MTBP: variants seen among roughly 807,000 people sequenced by gnomAD.
MTBP encodes MDM2 binding protein.
A neutral mutation model predicts 117.0 loss-of-function variants in MTBP; 101 were observed. That is an observed-to-expected ratio of 0.86 (90% CI 0.73 to 1.02). The LOEUF is 1.02. Ranked by LOEUF, MTBP falls within the 50% of genes least tolerant of loss-of-function variation. MTBP has a pLI of 0.00. For synonymous variants in MTBP, 350 were observed against 351.5 expected (o/e 1.00, Z 0.05); for missense variants, 970 against 1,030.9 (o/e 0.94, Z 0.81).
intron 2 of MTBP, among the ~76,000 whole-genome samples, chr8:120,448,195 G>C (rs1429871267): frequency 6.6e-6 from 1 of 152,182 alleles, no homozygotes; most frequent in Non-Finnish European, 1.5e-5. Flanking sequence ...GCCTCCCAAA[G>C]TGCCGGGATT....
chr8:120,461,487 T>C (rs1813582852), intron 9 of MTBP, among the ~76,000 whole-genome samples: 1 of 152,290 alleles, frequency 6.6e-6, no homozygotes, highest in East Asian at 1.9e-4. Context: ...GAAATCTTCC[T>C]CCCTATGCAA....
At chr8:120,522,834 G>A in intron 21 of MTBP, 115 bp downstream of exon 21, 1 of 731,994 alleles carries the variant, frequency 1.4e-6, no homozygotes, top group Non-Finnish European at 2.2e-6. Flanking sequence ...TTTCAACTCT[G>A]TCCCTATGAA....
At chr8:120,448,517 A>G (rs1215004858) in intron 2 of MTBP, among the ~76,000 whole-genome samples, 1 of 152,236 alleles carries the variant, frequency 6.6e-6, no homozygotes, top group South Asian at 2.1e-4. Context: ...AGGCAACACA[A>G]TTACATCCTT....
chr8:120,495,506 T>A lies in MTBP; in HGVS notation c.1448-1887T>A, dbSNP rs577291493. Among the ~76,000 whole-genome samples the A allele has an allele frequency of 3.1e-3, 464 of 151,730 alleles. 3 individuals carry two copies. The highest frequency in any genetic ancestry group is 0.011 in the African/African-American group (441 of 41,370). On this transcript the variant is annotated intron_variant, in intron 13 of 21. Coordinates refer to ENST00000305949, the MANE Select transcript of MTBP (RefSeq NM_022045.5). ...GGAGAGTCATATCTTGAAATCTGAATTTTTTTTTATCTTTTTAATAATTTT... is the reference window on the plus strand; with the variant it reads ...GGAGAGTCATATCTTGAAATCTGAAATTTTTTTTATCTTTTTAATAATTTT...
Position 120,489,138 on chromosome 8 carries a change from G to A in MTBP, c.1339+806G>A, listed in dbSNP as rs766827534. Among the ~76,000 whole-genome samples the A allele has an allele frequency of 4.0e-5, 6 of 148,278 alleles. No individual in the cohort carries two copies. The South Asian group carries it at 6.4e-4, about 16-fold the overall frequency. On this transcript the variant is annotated intron_variant, in intron 12 of 21. Coordinates refer to ENST00000305949, the MANE Select transcript of MTBP (RefSeq NM_022045.5). ...ACTGCAACCTCTGCCTCCCAGGTTC[G>A]AGCAATTCTCCTGCCTCAGCCTCCC...
chr8:120,476,357 G>A (rs1813938872), intron 11 of MTBP, among the ~76,000 whole-genome samples: 3 of 152,084 alleles, frequency 2.0e-5, no homozygotes, highest in Admixed American at 2.0e-4. Flanking sequence ...AGACAAAGAT[G>A]CCGTCTCTCA....
In MTBP at chr8:120,470,879, C is replaced by T. The variant is rs1185812953; in HGVS notation, c.1107C>T (p.Asn369=). 1.9e-6 allele frequency: 3 copies of T among 1,612,440 alleles called. No individual in the cohort carries two copies. The highest frequency in any genetic ancestry group is 1.3e-5 in the African/African-American group (1 of 74,844). ...TISNILIPPP[N]QLSSRKWKEY... ...GTAACATACTGATTCCACCTCCCAA[C>T]CAACTCAGTTCAAGAAAATGGAAGG... The change falls in exon 11 of 22, where the codon AAC becomes AAT. Residue 369 remains asparagine (N), a synonymous_variant. Coordinates refer to ENST00000305949, the MANE Select transcript of MTBP (RefSeq NM_022045.5).
At chr8:120,489,044 C>CTTTTTTTCTT (rs1814282584) in intron 12 of MTBP, among the ~76,000 whole-genome samples, 1 of 128,078 alleles carries the variant, frequency 7.8e-6, no homozygotes, top group African/African-American at 2.6e-5. Context: ...AGACTGACTT[C>CTTTTTTTCTT]TTTTTTTTTT....
chr8:120,520,339 G>A (rs1814991801), intron 20 of MTBP, among the ~76,000 whole-genome samples: 1 of 151,982 alleles, frequency 6.6e-6, no homozygotes, highest in African/African-American at 2.4e-5. Flanking sequence ...AGGCTGAACA[G>A]TTGAGATGAA....
intron 11 of MTBP, among the ~76,000 whole-genome samples, chr8:120,479,069 A>G (rs888634487): frequency 2.1e-4 from 32 of 152,200 alleles, no homozygotes; most frequent in Admixed American, 1.3e-3. Flanking sequence ...GAAAATCAAT[A>G]TCACATTTTC....
At chr8:120,476,565 A>T (rs1813944432) in intron 11 of MTBP, among the ~76,000 whole-genome samples, 5 of 152,160 alleles carry the variant, frequency 3.3e-5, no homozygotes, top group Admixed American at 3.3e-4. Context: ...AAGTCTCAAG[A>T]TACAAAATCA....
intron 11 of MTBP, chr8:120,472,398 A>G (rs1278156117): frequency 6.6e-6 from 1 of 152,146 alleles, no homozygotes; most frequent in East Asian, 1.9e-4. Flanking sequence ...TTGTTTATCT[A>G]TTGCGTAATA....
intron 13 of MTBP, among the ~76,000 whole-genome samples, chr8:120,496,731 T>C (rs1357526460): frequency 6.7e-6 from 1 of 150,298 alleles, no homozygotes; most frequent in African/African-American, 2.4e-5. Flanking sequence ...GAAAAAAAAA[T>C]GCAAGCAGTG....
intron 9 of MTBP, among the ~76,000 whole-genome samples, chr8:120,463,304 C>T (rs923372698): frequency 1.3e-5 from 2 of 152,050 alleles, no homozygotes; most frequent in Non-Finnish European, 2.9e-5. Context: ...TTTAAACTCT[C>T]TTTTAAAAAT....
chr8:120,489,791 C>T (rs1814304663), intron 12 of MTBP, among the ~76,000 whole-genome samples: 1 of 152,160 alleles, frequency 6.6e-6, no homozygotes. Context: ...GCATGTACGC[C>T]ATTTGCACCA....
intron 17 of MTBP, among the ~76,000 whole-genome samples, chr8:120,513,070 G>A (rs1814846280): frequency 6.6e-6 from 1 of 151,568 alleles, no homozygotes; most frequent in African/African-American, 2.4e-5. Flanking sequence ...TGGCTTGTTT[G>A]TTTTTTCACT....
chr8:120,445,498 TG>T lies in MTBP; in HGVS notation c.34del (p.Glu12LysfsTer39), dbSNP rs1563780092. The T allele has an allele frequency of 6.2e-7, 1 of 1,613,350 alleles. No individual in the cohort carries two copies. Among genetic ancestry groups the T allele is most frequent in the Non-Finnish European group, 8.5e-7 (1 of 1,179,708 alleles). ...GGATCGGTACCTGCTGCTGGTGATC[TG>T]GGGGGAAGGAAAATTCCCGTCGGCG... MDRYLLLVI[W>X]GEGKFPSAAS... On this transcript the variant is annotated frameshift_variant, in exon 1 of 22. Transcript: ENST00000305949. LOFTEE classifies it high-confidence loss of function.
At chr8:120,461,078 T>G in intron 8 of MTBP, 83 bp from the exon 9 acceptor site, 1 of 1,012,678 alleles carries the variant, frequency 9.9e-7, no homozygotes, top group Admixed American at 2.2e-5. Flanking sequence ...AGATCCATTT[T>G]AAAGTTTTAA....
Position 120,523,492 on chromosome 8 carries a change from G to A in MTBP, c.*156G>A, listed in dbSNP as rs1163893226. 2 of 402,666 alleles carry A rather than the reference G, an allele frequency of 5.0e-6. No individual in the cohort carries two copies. The highest frequency in any genetic ancestry group is 4.2e-5 in the African/African-American group (2 of 48,036). The allele number at this position is 402,666 out of a possible 1,614,324, so 24.9% of individuals were successfully genotyped here. On this transcript the variant is annotated 3_prime_UTR_variant, in exon 22 of 22. Transcript: ENST00000305949. Reference sequence around the variant, plus strand: ...TTTCATGAATATATATTCTATATTTGTATAGTTTGAGGGATGCTATGTTAA... The same window carrying A: ...TTTCATGAATATATATTCTATATTTATATAGTTTGAGGGATGCTATGTTAA...
Sources: gnomAD v4.1 joint callset for allele counts (sites outside exome capture counted in the v4.1 genomes callset) on GRCh38, gnomAD v4.1.1 for gene constraint, MANE v1.5 for transcripts, NCBI Gene and HGNC (gene_info 2026-07-23, HGNC 2026-07-21) for gene names.